The following EIF3L variants were observed in gnomAD, a reference collection of about 807,000 sequenced individuals.
EIF3L encodes the protein eukaryotic translation initiation factor 3 subunit L.
EIF3L carries 32 observed loss-of-function variants against 74.6 expected under a neutral mutation model. That is an observed-to-expected ratio of 0.43 (90% CI 0.32 to 0.58). The LOEUF is 0.58. EIF3L is among the 20% of genes least tolerant of loss of function. EIF3L has a pLI of 0.06. For synonymous variants in EIF3L, 256 were observed against 254.4 expected (o/e 1.01, Z -0.06); for missense variants, 474 against 707.8 (o/e 0.67, Z 3.75).
rs777949481 is a variant in EIF3L, at chr22:37,875,935, G to A, written c.1001G>A (p.Arg334Gln). 3.7e-6 allele frequency: 6 copies of A among 1,613,978 alleles called. No individual in the cohort carries two copies. Among genetic ancestry groups the A allele is most frequent in the South Asian group, 1.1e-5 (1 of 91,076 alleles). Residue 334 changes from arginine to glutamine, a missense_variant, in exon 10 of 13, where the codon CGG (arginine) becomes CAG (glutamine). Around this residue, in one of 4 missense-constraint regions of EIF3L, gnomAD observed 293 missense variants for 469.1 expected, o/e 0.62. Coordinates refer to ENST00000652021, the MANE Select transcript of EIF3L (RefSeq NM_016091.4). ...ATGCGTCGTTACCAGGATGCCATCC[G>A]GGTCTTCGCCAACATCCTCCTCTAC... The part of the protein sequence containing the change: ...LMMRRYQDAI[R>Q]VFANILLYIQ...
rs1925044587 is a variant in EIF3L at position 37,849,561 on chromosome 22, G to T, written c.33+79G>T. On this transcript the variant is annotated intron_variant, in intron 1 of 12. Coordinates refer to ENST00000652021, the MANE Select transcript of EIF3L (RefSeq NM_016091.4). ...CACTGGATGTGGGTCCCGGCGCGAG[G>T]CAGCTTCCGGGTCGCGGCCAGCTCC... 8 of 1,482,806 alleles carry T rather than the reference G, an allele frequency of 5.4e-6. No homozygotes were observed. The South Asian group carries it at 9.2e-5, about 17-fold the overall frequency. The allele number at this position is 1,482,806 out of a possible 1,614,324, so 91.9% of individuals were successfully genotyped here.
rs572965767 is a variant in EIF3L, at chr22:37,883,099, C to G, written c.1576-3666C>G. ...ATCACTTGAGGTCAGGAGATCAAGACCAGCCTGACCAACATGAAGAAACCC... is the reference window on the plus strand; with the variant it reads ...ATCACTTGAGGTCAGGAGATCAAGAGCAGCCTGACCAACATGAAGAAACCC... On this transcript the variant is annotated intron_variant, in intron 11 of 12. Transcript: ENST00000652021. 15 of 152,214 alleles carry G rather than the reference C, an allele frequency of 9.9e-5. 1 individual carries two copies. Among genetic ancestry groups the G allele is most frequent in the Admixed American group, 7.9e-4 (12 of 15,266 alleles). The allele number at this position is 152,214 out of a possible 1,614,324, so 9.4% of individuals were successfully genotyped here. A position where few individuals can be genotyped will look rare whatever the true frequency, so the allele number is the denominator to read the frequency against.
chr22:37,861,576 C>T (rs1445376834), intron 5 of EIF3L, among the ~76,000 whole-genome samples: 2 of 151,732 alleles, frequency 1.3e-5, no homozygotes, highest in African/African-American at 2.4e-5. Context: ...CCCAGCTACT[C>T]GGGAGGCTGA....
At chr22:37,857,560 G>A (rs769448644) in intron 4 of EIF3L, among the ~76,000 whole-genome samples, 1 of 150,586 alleles carries the variant, frequency 6.6e-6, no homozygotes, top group Non-Finnish European at 1.5e-5. Flanking sequence ...CCCCTAAGAT[G>A]GAGTCACGGA....
At chr22:37,887,844 C>G (rs574184307) in intron 12 of EIF3L, 1 of 152,498 alleles carries the variant, frequency 6.6e-6, no homozygotes, top group East Asian at 1.9e-4. Flanking sequence ...GGACAGGAAG[C>G]TCTGTTTTGA....
chr22:37,862,786 G>A (rs1378258763), intron 5 of EIF3L, among the ~76,000 whole-genome samples, 183 bp from the exon 6 acceptor site: 3 of 152,184 alleles, frequency 2.0e-5, no homozygotes, highest in Non-Finnish European at 4.4e-5. Flanking sequence ...ACGTGTTGCA[G>A]TATTCAGTGC....
rs1569127357 is a variant in EIF3L at position 37,888,718 on chromosome 22, A to G, written c.*254A>G. 9 of 487,658 alleles carry G rather than the reference A, an allele frequency of 1.8e-5. No homozygotes were observed. Among genetic ancestry groups the G allele is most frequent in the Non-Finnish European group, 2.9e-5 (8 of 276,166 alleles). The allele number at this position is 487,658 out of a possible 1,614,324, so 30.2% of individuals were successfully genotyped here. ...TGTCCTGATGCTTTCAGGATACATC[A>G]GTTGTTAGTGTTTAAATTGAGTTAT... On this transcript the variant is annotated 3_prime_UTR_variant, in exon 13 of 13. Transcript: ENST00000652021.
Position 37,888,432 on chromosome 22 carries a change from C to A in EIF3L, c.1663C>A (p.Arg555=). 1 of 1,613,988 alleles carries A rather than the reference C, an allele frequency of 6.2e-7. No homozygotes were observed. Among genetic ancestry groups the A allele is most frequent in the Non-Finnish European group, 8.5e-7 (1 of 1,179,988 alleles). Residue 555 remains arginine (R), a synonymous_variant, in exon 13 of 13, where the codon CGA becomes AGA. Coordinates refer to ENST00000652021, the MANE Select transcript of EIF3L (RefSeq NM_016091.4). ...RQIHKFEELN[R]TLKKMGQRP ...GCTTTTCTTTCTCTTCTAGCTTAAT[C>A]GAACCCTGAAGAAGATGGGACAGAG... is the stretch of plus-strand genomic sequence containing the variant.
chr22:37,874,467 G>A lies in EIF3L; in HGVS notation c.849G>A (p.Leu283=). 6.2e-7 allele frequency: 1 copy of A among 1,614,152 alleles called. No homozygotes were observed. The highest frequency in any genetic ancestry group is 1.3e-5 in the African/African-American group (1 of 75,028). The change falls in exon 9 of 13, where the codon CTG becomes CTA. Residue 283 remains leucine, a synonymous_variant. Transcript: ENST00000652021. The part of the protein sequence containing the change: ...SLVGLLRLHS[L]LGDYYQAIKV... Reference sequence around the variant, plus strand: ...TCGGGCTTCTCCGCCTGCACTCCCTGTTAGGAGATTACTACCAGGCCATCA... The same window carrying A: ...TCGGGCTTCTCCGCCTGCACTCCCTATTAGGAGATTACTACCAGGCCATCA...
At chr22:37,865,722 A>G (rs1022671596) in intron 7 of EIF3L, among the ~76,000 whole-genome samples, 4 of 152,232 alleles carry the variant, frequency 2.6e-5, no homozygotes, top group Admixed American at 1.3e-4. Context: ...TTTCATAGCA[A>G]AGGCCACAAA....
chr22:37,863,386 A>C (rs1368528755), intron 7 of EIF3L, 41 bp downstream of exon 7: 2 of 1,469,870 alleles, frequency 1.4e-6, no homozygotes, highest in South Asian at 2.3e-5. Flanking sequence ...TAACTGGTCC[A>C]TGCCAGGAAT....
intron 5 of EIF3L, 78 bp from the exon 6 acceptor site, chr22:37,862,891 C>A: frequency 2.0e-6 from 2 of 1,024,680 alleles, no homozygotes; most frequent in Non-Finnish European, 3.0e-6. Flanking sequence ...TATTTGTTCA[C>A]AGCTGTCACA....
intron 3 of EIF3L, 49 bp from the exon 4 acceptor site, chr22:37,855,516 C>T (rs761441713): frequency 6.6e-7 from 1 of 1,513,590 alleles, no homozygotes; most frequent in Non-Finnish European, 9.2e-7. Context: ...TTAGGATTGG[C>T]ATTCTCCAGT....
chr22:37,851,610 C>G, intron 3 of EIF3L, 120 bp downstream of exon 3: 1 of 627,310 alleles, frequency 1.6e-6, no homozygotes, highest in South Asian at 1.7e-5. Flanking sequence ...GGGTGGGGGT[C>G]TTTGTGAGTC....
In EIF3L at chr22:37,878,099, G is replaced by A. The variant is rs773627336; in HGVS notation, c.1503G>A (p.Val501=). Residue 501 remains valine, a synonymous_variant, in exon 11 of 13, where the codon GTG becomes GTA. Transcript: ENST00000652021. ...TCAAACACAAGATGAAGAACCTCGTGTGGACCAGCGGTATCTCAGCCCTGG... is the reference window on the plus strand; with the variant it reads ...TCAAACACAAGATGAAGAACCTCGTATGGACCAGCGGTATCTCAGCCCTGG... ...LVFKHKMKNL[V]WTSGISALDG... The A allele has an allele frequency of 6.2e-7, 1 of 1,614,148 alleles. No individual in the cohort carries two copies. The highest frequency in any genetic ancestry group is 1.7e-5 in the Admixed American group (1 of 60,006).
chr22:37,872,032 G>A (rs180917882), intron 8 of EIF3L, among the ~76,000 whole-genome samples: 47 of 152,234 alleles, frequency 3.1e-4, no homozygotes, highest in Middle Eastern at 6.8e-3. Flanking sequence ...GGTGCAGTGA[G>A]GAATCTGAAA....
intron 3 of EIF3L, among the ~76,000 whole-genome samples, chr22:37,851,806 C>T (rs1365355242): frequency 2.0e-5 from 3 of 152,178 alleles, no homozygotes; most frequent in Non-Finnish European, 2.9e-5. Flanking sequence ...GCTGGGACTA[C>T]AGGCATGTGC....
At chr22:37,870,916 G>C (rs1569118543) in intron 8 of EIF3L, among the ~76,000 whole-genome samples, 3 of 152,058 alleles carry the variant, frequency 2.0e-5, no homozygotes, top group African/African-American at 7.2e-5. Context: ...CTTGAGTCCA[G>C]GAGTTTGAGA....
At chr22:37,855,760 C>T (rs1454318058) in intron 4 of EIF3L, 116 bp downstream of exon 4, 2 of 841,536 alleles carry the variant, frequency 2.4e-6, no homozygotes, top group Non-Finnish European at 3.8e-6. Flanking sequence ...TTCCTTGGTG[C>T]TTGGTATGTA....
Sources: allele counts gnomAD v4.1 joint callset (sites outside exome capture counted in the v4.1 genomes callset), GRCh38; gene constraint gnomAD v4.1.1; regional missense constraint gnomAD v4.1.1; transcripts MANE v1.5; gene names NCBI Gene and HGNC (gene_info 2026-07-23, HGNC 2026-07-21).